ATP10B: variants seen among roughly 807,000 people sequenced by gnomAD.
The protein encoded by ATP10B is phospholipid-transporting ATPase VB.
A neutral mutation model predicts 141.2 loss-of-function variants in ATP10B; 122 were observed. The observed-to-expected ratio is 0.86, with a 90% CI of 0.75 to 1.00. The LOEUF (loss-of-function observed/expected upper bound fraction) is 1.00, where lower values mean the gene tolerates loss of function less well. Ranked by LOEUF, ATP10B falls within the 50% of genes least tolerant of loss-of-function variation. ATP10B has a pLI of 0.00. For synonymous variants in ATP10B, 685 were observed against 692.0 expected, an observed-to-expected ratio of 0.99 and a Z score of 0.16; for missense variants, 1,876 against 1,825.3, an observed-to-expected ratio of 1.03 and a Z score of -0.51.
intron 24 of ATP10B, among the ~76,000 whole-genome samples, chr5:160,572,132 C>G (rs1399785517): frequency 6.6e-6 from 1 of 152,058 alleles, no homozygotes; most frequent in African/African-American, 2.4e-5. Context: ...CTAGCATCTC[C>G]TTTTCCCTGA....
intron 2 of ATP10B, among the ~76,000 whole-genome samples, chr5:160,772,725 A>G (rs1453107373): frequency 1.3e-5 from 2 of 152,182 alleles, no homozygotes; most frequent in South Asian, 2.1e-4. Flanking sequence ...CTCACCTCCT[A>G]CTATGCTGCC....
intron 3 of ATP10B, among the ~76,000 whole-genome samples, chr5:160,716,329 T>C (rs1765657899): frequency 6.6e-6 from 1 of 152,206 alleles, no homozygotes; most frequent in Non-Finnish European, 1.5e-5. Flanking sequence ...TATAAGCACT[T>C]TGCATGTCAA....
chr5:160,614,702 A>C (rs907610397), intron 17 of ATP10B: 3 of 152,362 alleles, frequency 2.0e-5, no homozygotes, highest in African/African-American at 7.2e-5. Flanking sequence ...CTTGTCAGCC[A>C]TCCCACTTGC....
chr5:160,906,527 A>G, the ATP10B span, among the ~76,000 whole-genome samples: 1 of 152,188 alleles, frequency 6.6e-6, no homozygotes, highest in Non-Finnish European at 1.5e-5. Flanking sequence ...GTCACAAGAC[A>G]TTGGTTTATT....
At chr5:160,813,562 G>T (rs886206003) in intron 1 of ATP10B, among the ~76,000 whole-genome samples, 1 of 152,204 alleles carries the variant, frequency 6.6e-6, no homozygotes. Flanking sequence ...TGGGGGCAGG[G>T]CATAGCCAAA....
At chr5:160,770,190 CCT>C (rs1769782322) in intron 2 of ATP10B, among the ~76,000 whole-genome samples, 1 of 151,436 alleles carries the variant, frequency 6.6e-6, no homozygotes, top group Admixed American at 6.6e-5. Context: ...CCCTCTCTAT[CCT>C]CTCTCTTCTC....
chr5:160,730,683 C>T lies in ATP10B; in HGVS notation c.-330-13649G>A, dbSNP rs183226260. Among the ~76,000 whole-genome samples, 9 of 152,230 alleles carry T rather than the reference C, an allele frequency of 5.9e-5. No individual in the cohort carries two copies. In the East Asian group the frequency reaches 1.7e-3, roughly 29 times the overall value. On this transcript the variant is annotated intron_variant, in intron 2 of 25. Coordinates refer to ENST00000327245, the MANE Select transcript of ATP10B (RefSeq NM_025153.3). ...TGCTCTTCTAGTAGCCCCTCTGGCC[C>T]CCTTGTATATTCTAGACACTCTCCA...
Position 160,648,398 on chromosome 5 carries a change from C to G in ATP10B, c.761+773G>C, listed in dbSNP as rs146034503. 9.0e-3 allele frequency among the ~76,000 whole-genome samples: 1,366 copies of G among 152,252 alleles called. 19 individuals carry two copies. The highest frequency in any genetic ancestry group is 0.03 in the African/African-American group (1,250 of 41,538). On this transcript the variant is annotated intron_variant, in intron 8 of 25. Coordinates refer to ENST00000327245, the MANE Select transcript of ATP10B (RefSeq NM_025153.3). ...TTATGTGTGGCCCAAGACAATTCTTCCAATGTGGCCCAGGGAAGCCAGAAG... is the reference window on the plus strand; with the variant it reads ...TTATGTGTGGCCCAAGACAATTCTTGCAATGTGGCCCAGGGAAGCCAGAAG...
intron 3 of ATP10B, among the ~76,000 whole-genome samples, chr5:160,708,963 A>T (rs1765188773): frequency 6.6e-6 from 1 of 152,218 alleles, no homozygotes; most frequent in Non-Finnish European, 1.5e-5. Context: ...GCCAGGCAAC[A>T]GACCCGTGTA....
At chr5:160,907,506 T>G in the ATP10B span, among the ~76,000 whole-genome samples, 2 of 151,984 alleles carry the variant, frequency 1.3e-5, no homozygotes, top group Admixed American at 6.6e-5. Context: ...ACTACAGGTG[T>G]GTGTGACTGC....
At chr5:160,929,227 A>G in the ATP10B span, among the ~76,000 whole-genome samples, 4 of 151,806 alleles carry the variant, frequency 2.6e-5, no homozygotes, top group Non-Finnish European at 4.4e-5. Flanking sequence ...CTTACCTCCT[A>G]CCTCCTTGGT....
chr5:160,691,803 G>T (rs1764091270), intron 3 of ATP10B: 1 of 152,188 alleles, frequency 6.6e-6, no homozygotes, highest in African/African-American at 2.4e-5. Flanking sequence ...CAGAGACTAA[G>T]TAAGCCCTTG....
intron 8 of ATP10B, among the ~76,000 whole-genome samples, chr5:160,648,361 G>A (rs967961020): frequency 6.6e-6 from 1 of 152,058 alleles, no homozygotes; most frequent in Non-Finnish European, 1.5e-5. Flanking sequence ...CTATTGTTAG[G>A]GTTAGTGTAT....
intron 3 of ATP10B, among the ~76,000 whole-genome samples, chr5:160,702,398 T>C (rs1412186125): frequency 1.3e-5 from 2 of 151,984 alleles, no homozygotes; most frequent in African/African-American, 4.8e-5. Context: ...ATTTTGGGAG[T>C]ATAACAAAAA....
the ATP10B span, among the ~76,000 whole-genome samples, chr5:160,870,975 T>TGAAATTATTCTTCAAAAATACAGGA: frequency 0.78 from 116,290 of 149,064 alleles, 46,272 homozygotes; most frequent in East Asian, 0.97. Flanking sequence ...CTGTACTTTT[T>TGAAATTATTCTTCAAAAATACAGGA]GAAATTATTC....
chr5:160,589,529 A>G (rs2127610362), intron 24 of ATP10B, 63 bp downstream of exon 24: 1 of 1,282,600 alleles, frequency 7.8e-7, no homozygotes, highest in South Asian at 1.2e-5. Context: ...CAATTCAGAA[A>G]TTTGAGTATA....
At chr5:160,737,793 A>G (rs1767224495) in intron 2 of ATP10B, among the ~76,000 whole-genome samples, 1 of 152,218 alleles carries the variant, frequency 6.6e-6, no homozygotes, top group South Asian at 2.1e-4. Flanking sequence ...ATATGTATCC[A>G]ATAAGAGACC....
At chr5:160,891,437 A>T in the ATP10B span, among the ~76,000 whole-genome samples, 1 of 152,102 alleles carries the variant, frequency 6.6e-6, no homozygotes, top group Admixed American at 6.6e-5. Context: ...AGTAAGCTCC[A>T]TGGAGGAAAC....
At chr5:160,777,606 C>T (rs185797387) in intron 2 of ATP10B, among the ~76,000 whole-genome samples, 1 of 152,170 alleles carries the variant, frequency 6.6e-6, no homozygotes, top group Non-Finnish European at 1.5e-5. Context: ...CGGATGTGTA[C>T]AGAAGCTGGC....
Sources: allele counts gnomAD v4.1 joint callset (sites outside exome capture counted in the v4.1 genomes callset), GRCh38; gene constraint gnomAD v4.1.1; transcripts MANE v1.5; gene names NCBI Gene and HGNC (gene_info 2026-07-23, HGNC 2026-07-21).